The following MYO1F variants were observed in gnomAD, a reference collection of about 807,000 sequenced individuals.
MYO1F encodes myosin IF, also known as unconventional myosin-If.
A neutral mutation model predicts 146.6 loss-of-function variants in MYO1F; 60 were observed. The ratio of observed to expected loss-of-function variants is 0.41; its 90% confidence interval spans 0.33 to 0.51. The LOEUF is 0.51. Ranked by LOEUF, MYO1F falls within the 20% of genes least tolerant of loss-of-function variation. The pLI is 0.25. For missense variants in MYO1F, 1,274 were observed against 1,534.3 expected (o/e 0.83, Z 2.83); for synonymous variants, 602 against 602.1 (o/e 1.00, Z 0.00).
rs1973560852 is a variant in MYO1F, at chr19:8,550,552, CCA to C, written c.904+8_904+9del. 1 of 1,614,134 alleles carries C rather than the reference CCA, an allele frequency of 6.2e-7. No homozygotes were observed. The highest frequency in any genetic ancestry group is 2.2e-5 in the East Asian group (1 of 44,886). On this transcript the variant is annotated splice_region_variant and intron_variant, in intron 9 of 27. Coordinates refer to ENST00000644032, the MANE Select transcript of MYO1F (RefSeq NM_012335.4). ...GCCTCCATCCAGCCCTCCCTGATAC[CCA>C]CACTCACGGTCCACACTCTCCACTC...
chr19:8,557,582 G>A (rs760006776), intron 1 of MYO1F, among the ~76,000 whole-genome samples: 10 of 152,180 alleles, frequency 6.6e-5, no homozygotes, highest in African/African-American at 9.6e-5. Context: ...GATTATAGGC[G>A]TAAGCTACTG....
intron 1 of MYO1F, among the ~76,000 whole-genome samples, chr19:8,571,539 C>T (rs76334555): frequency 0.02 from 2,988 of 152,028 alleles, 48 homozygotes; most frequent in Non-Finnish European, 0.028. Context: ...CTCAGCCTCC[C>T]GAGTAGCTGG....
At chr19:8,527,562 G>A in intron 21 of MYO1F, 79 bp from the exon 22 acceptor site, 5 of 1,574,382 alleles carry the variant, frequency 3.2e-6, no homozygotes, top group South Asian at 1.1e-5. Flanking sequence ...AGGCAGAGGG[G>A]TGGTGCTGGC....
intron 1 of MYO1F, among the ~76,000 whole-genome samples, chr19:8,561,472 T>C (rs201807711): frequency 0.045 from 4,479 of 98,498 alleles, 101 homozygotes; most frequent in Non-Finnish European, 0.054. Flanking sequence ...CTCTCTCTCT[T>C]TCTTTTTCTC....
intron 25 of MYO1F, 30 bp downstream of exon 25, chr19:8,525,449 G>C: frequency 6.3e-7 from 1 of 1,594,562 alleles, no homozygotes; most frequent in Non-Finnish European, 8.6e-7. Flanking sequence ...CAACAGACAA[G>C]GGAATATAGC....
chr19:8,569,712 G>T (rs2042074177), intron 1 of MYO1F, among the ~76,000 whole-genome samples: 1 of 152,142 alleles, frequency 6.6e-6, no homozygotes, highest in Non-Finnish European at 1.5e-5. Context: ...CTTGCAACAT[G>T]AACTTTCCAG....
intron 19 of MYO1F, among the ~76,000 whole-genome samples, chr19:8,535,855 G>C: frequency 6.6e-6 from 1 of 151,592 alleles, no homozygotes; most frequent in East Asian, 1.9e-4. Flanking sequence ...AATTTTTTTT[G>C]TATTTTTAGT....
At position 8,555,813 on chromosome 19, in the gene MYO1F, G is replaced by T. The variant is rs765255091; in HGVS notation, c.4-17C>A. The T allele has an allele frequency of 1.2e-6, 2 of 1,607,502 alleles. No homozygotes were observed. The highest frequency in any genetic ancestry group is 1.7e-5 in the Admixed American group (1 of 59,920). On this transcript the variant is annotated splice_polypyrimidine_tract_variant and intron_variant, in intron 1 of 27. Transcript: ENST00000644032. Reference sequence around the variant, plus strand: ...CTTGCTGCCCTGGGGGGTGAGAGGGGGGTCGGGGTGAGCCCTTGCACGGGG... The same window carrying T: ...CTTGCTGCCCTGGGGGGTGAGAGGGTGGTCGGGGTGAGCCCTTGCACGGGG...
In MYO1F at chr19:8,550,882, T is replaced by A. The variant is rs556004439; in HGVS notation, c.772-188A>T. On this transcript the variant is annotated intron_variant, in intron 8 of 27. Coordinates refer to ENST00000644032, the MANE Select transcript of MYO1F (RefSeq NM_012335.4). ...GCACCTCTCTGGGCTTTGTTTTTTA[T>A]TATATTTTTTATTTTTGAGACAGAG... 1.6e-4 allele frequency among the ~76,000 whole-genome samples: 25 copies of A among 152,154 alleles called. No homozygotes were observed. In the South Asian group the frequency reaches 5.0e-3, roughly 30 times the overall value.
chr19:8,525,027 G>A (rs1001395431), intron 25 of MYO1F, among the ~76,000 whole-genome samples: 2 of 151,856 alleles, frequency 1.3e-5, no homozygotes, highest in Non-Finnish European at 2.9e-5. Flanking sequence ...GTGAAACCCT[G>A]TCTCTACTAA....
At chr19:8,543,723 G>A (rs1179121687) in intron 14 of MYO1F, among the ~76,000 whole-genome samples, 3 of 12,126 alleles carry the variant, frequency 2.5e-4, no homozygotes, top group African/African-American at 1.3e-3. Flanking sequence ...GGTGGTGGTG[G>A]TGCTGGTGGT....
Position 8,527,400 on chromosome 19 carries a change from GCCCTTCTCAGGT to G in MYO1F, c.2400_2411del (p.Pro801_Gly804del), listed in dbSNP as rs755446835. On this transcript the variant is annotated inframe_deletion, in exon 22 of 28. Coordinates refer to ENST00000644032, the MANE Select transcript of MYO1F (RefSeq NM_012335.4). ...TCTTCTTCAAGACTTCACACACCTGGCCCTTCTCAGGTCCCTTCTTCACTTTCTCTCGCCCAA... is the reference window on the plus strand; with the variant it reads ...TCTTCTTCAAGACTTCACACACCTGGCCCTTCTTCACTTTCTCTCGCCCAA... 25 of 1,613,966 alleles carry G rather than the reference GCCCTTCTCAGGT, an allele frequency of 1.5e-5. No individual in the cohort carries two copies. The highest frequency in any genetic ancestry group is 2.0e-5 in the Non-Finnish European group (24 of 1,180,014).
chr19:8,536,938 G>A lies in MYO1F; in HGVS notation c.1799+11C>T, dbSNP rs762068979. On this transcript the variant is annotated intron_variant, in intron 17 of 27. Transcript: ENST00000644032. ...GGGGGAATGAATCTTGGATTGGTTG[G>A]GGGGGATCACCTGTTCTCCTCCCAG... 12 of 1,412,778 alleles carry A rather than the reference G, an allele frequency of 8.5e-6. No homozygotes were observed. In the Middle Eastern group the frequency reaches 9.7e-4, roughly 114 times the overall value. 87.5% of individuals were successfully genotyped at this position (1,412,778 alleles called of 1,614,324 possible).
At position 8,526,891 on chromosome 19, in the gene MYO1F, T is replaced by C; in HGVS notation, c.2519A>G (p.Asp840Gly). Residue 840 changes from aspartate to glycine, a missense_variant, in exon 23 of 28, where the codon GAC (aspartate) becomes GGC (glycine). Transcript: ENST00000644032. ...DFFILQEDAADSFLESVFKTE... is the reference protein window; with the variant it reads ...DFFILQEDAAGSFLESVFKTE... ...CTTGAAGACGCTCTCCAGGAAGCTGTCGGCGGCATCCTCTTGGAGGATGAA... is the reference window on the plus strand; with the variant it reads ...CTTGAAGACGCTCTCCAGGAAGCTGCCGGCGGCATCCTCTTGGAGGATGAA... 1 of 1,613,894 alleles carries C rather than the reference T, an allele frequency of 6.2e-7. No individual in the cohort carries two copies. Among genetic ancestry groups the C allele is most frequent in the Non-Finnish European group, 8.5e-7 (1 of 1,179,970 alleles).
At chr19:8,574,379 G>A (rs148634348) in intron 1 of MYO1F, among the ~76,000 whole-genome samples, 5 of 152,290 alleles carry the variant, frequency 3.3e-5, no homozygotes, top group African/African-American at 4.8e-5. Flanking sequence ...CAGCTACCAT[G>A]GATCAAGTGC....
At chr19:8,535,802 C>G (rs1192045797) in intron 19 of MYO1F, among the ~76,000 whole-genome samples, 2 of 152,042 alleles carry the variant, frequency 1.3e-5, no homozygotes, top group African/African-American at 2.4e-5. Context: ...GCCTCAGCCT[C>G]CTGAGTAGCT....
intron 15 of MYO1F, 144 bp downstream of exon 15, chr19:8,541,762 T>C (rs1274445263): frequency 6.3e-6 from 5 of 790,614 alleles, no homozygotes; most frequent in Non-Finnish European, 1.1e-5. Context: ...AACTAGTCCA[T>C]AGAAACACCA....
At chr19:8,550,049 C>T in intron 10 of MYO1F, 111 bp downstream of exon 10, 1 of 1,287,344 alleles carries the variant, frequency 7.8e-7, no homozygotes, top group South Asian at 1.3e-5. Flanking sequence ...ATGCTCCCAA[C>T]TCAGCCACCC....
intron 2 of MYO1F, 143 bp downstream of exon 2, chr19:8,555,516 C>T: frequency 3.5e-6 from 4 of 1,132,518 alleles, no homozygotes; most frequent in Admixed American, 2.0e-5. Context: ...CAGAGCCCTG[C>T]TGTCACTCTG....
Sources: gnomAD v4.1 joint callset for allele counts (sites outside exome capture counted in the v4.1 genomes callset) on GRCh38, gnomAD v4.1.1 for gene constraint, MANE v1.5 for transcripts, NCBI Gene and HGNC (gene_info 2026-07-23, HGNC 2026-07-21) for gene names.